TMEM154: variants seen among roughly 807,000 people sequenced by gnomAD.
TMEM154 encodes transmembrane protein 154.
In TMEM154, 27 loss-of-function variants were observed where a neutral mutation model predicts 24.5. The ratio of observed to expected loss-of-function variants is 1.10; its 90% CI spans 0.81 to 1.52. The LOEUF is 1.52. Ranked by LOEUF, TMEM154 falls within the 40% of genes most tolerant of loss-of-function variation. The probability of loss-of-function intolerance (pLI) is 0.00; values close to 1 mark genes in which losing one functional copy is unlikely to be tolerated. For synonymous variants in TMEM154, 67 were observed against 76.8 expected, an observed-to-expected ratio of 0.87 and a Z score of 0.67; for missense variants, 228 against 213.4, an observed-to-expected ratio of 1.07 and a Z score of -0.43.
At chr4:152,645,307 C>A (rs904329938) in intron 3 of TMEM154, among the ~76,000 whole-genome samples, 6 of 152,176 alleles carry the variant, frequency 3.9e-5, no homozygotes, top group Non-Finnish European at 5.9e-5. Context: ...CACTGGGGTT[C>A]AATTCATGTC....
chr4:152,647,135 C>G (rs1466809236), intron 3 of TMEM154: 5 of 1,478,676 alleles, frequency 3.4e-6, no homozygotes, highest in East Asian at 2.5e-5. Flanking sequence ...CTCCCATTGT[C>G]AAATTTAAAG....
Position 152,643,112 on chromosome 4 carries a change from AT to A in TMEM154, c.453del (p.Lys151AsnfsTer3). Reference sequence around the variant, plus strand: ...CCATTTCTATTCATGCTGTTCATCCATTTATCAAGCTCTTCCATTTCAATTT... The same window carrying A: ...CCATTTCTATTCATGCTGTTCATCCATTATCAAGCTCTTCCATTTCAATTT... ...VMEIEMEELD[K>X]WMNSMNRNAD... On this transcript the variant is annotated frameshift_variant, in exon 5 of 7. Transcript: ENST00000304385. LOFTEE classifies it high-confidence loss of function. 6.2e-7 allele frequency: 1 copy of A among 1,613,328 alleles called. No individual in the cohort carries two copies. The highest frequency in any genetic ancestry group is 8.5e-7 in the Non-Finnish European group (1 of 1,179,812).
chr4:152,628,565 TAAAAAAAAAAAAAAAAA>T lies in TMEM154; in HGVS notation c.537-21_537-5del, dbSNP rs747613909. On this transcript the variant is annotated splice_region_variant and splice_polypyrimidine_tract_variant and intron_variant, in intron 6 of 6. Transcript: ENST00000304385. ...TCAGGTTTAGGATTCACTGTCACTG[TAAAAAAAAAAAAAAAAA>T]AAAAAAAAAACAAAAAAAACACACA... 1 of 518,478 alleles carries T rather than the reference TAAAAAAAAAAAAAAAAA, an allele frequency of 1.9e-6. No individual in the cohort carries two copies. The highest frequency in any genetic ancestry group is 2.4e-6 in the Non-Finnish European group (1 of 415,834). 32.1% of individuals were successfully genotyped at this position (518,478 alleles called of 1,614,324 possible). A position where few individuals can be genotyped will look rare whatever the true frequency, so the allele number is the denominator to read the frequency against.
chr4:152,640,856 T>G, intron 6 of TMEM154, 72 bp downstream of exon 6: 2 of 1,338,358 alleles, frequency 1.5e-6, no homozygotes, highest in Non-Finnish European at 2.1e-6. Flanking sequence ...AAGCAAAAAG[T>G]GTTCCACCCT....
chr4:152,623,559 T>C lies in TMEM154; in HGVS notation c.*4987A>G, dbSNP rs1422734538. ...CTGCAGTGTAGTAGCTACATATCAT[T>C]CTTTAGTCCTTTACATGCAGACCAA... On this transcript the variant is annotated 3_prime_UTR_variant, in exon 7 of 7. Transcript: ENST00000304385. 6.6e-6 allele frequency: 1 copy of C among 152,200 alleles called. No homozygotes were observed. Among genetic ancestry groups the C allele is most frequent in the Non-Finnish European group, 1.5e-5 (1 of 68,046 alleles). 9.4% of individuals were successfully genotyped at this position (152,200 alleles called of 1,614,324 possible).
chr4:152,661,863 A>T (rs575596270), intron 1 of TMEM154, among the ~76,000 whole-genome samples: 2 of 152,206 alleles, frequency 1.3e-5, no homozygotes, highest in Non-Finnish European at 2.9e-5. Context: ...CTTGCCCAGA[A>T]GTAACCACCG....
intron 5 of TMEM154, chr4:152,641,265 G>A: frequency 5.6e-6 from 2 of 359,150 alleles, no homozygotes; most frequent in Non-Finnish European, 1.0e-5. Context: ...GCACCCCAGT[G>A]CTCCAAAAGC....
intron 1 of TMEM154, among the ~76,000 whole-genome samples, chr4:152,672,090 T>TAAAAAAAA (rs11290618): frequency 9.8e-6 from 1 of 101,958 alleles, no homozygotes; most frequent in Non-Finnish European, 2.1e-5. Context: ...CCTATCTCTA[T>TAAAAAAAA]AAAAAAAAAA....
rs1448379605 is a variant in TMEM154, at chr4:152,621,625, G to T, written c.*6921C>A. ...CTGTTGTTTGTCAATAATACTGACT[G>T]GTCTTTGTGAGCCGAAAGAATAAAT... On this transcript the variant is annotated 3_prime_UTR_variant, in exon 7 of 7. Transcript: ENST00000304385. 1 of 152,132 alleles carries T rather than the reference G, an allele frequency of 6.6e-6. No homozygotes were observed. Among genetic ancestry groups the T allele is most frequent in the Non-Finnish European group, 1.5e-5 (1 of 68,030 alleles). The allele number at this position is 152,132 out of a possible 1,614,324, so 9.4% of individuals were successfully genotyped here.
chr4:152,656,321 G>A (rs1728491854), intron 1 of TMEM154, among the ~76,000 whole-genome samples: 1 of 152,122 alleles, frequency 6.6e-6, no homozygotes, highest in African/African-American at 2.4e-5. Flanking sequence ...TAACACCAGT[G>A]CCAGTGTATA....
chr4:152,679,732 T>A, intron 1 of TMEM154, 138 bp downstream of exon 1: 1 of 1,293,602 alleles, frequency 7.7e-7, no homozygotes, highest in Non-Finnish European at 1.1e-6. Context: ...AAAAAGGAGT[T>A]CTAATTTTCT....
intron 1 of TMEM154, chr4:152,666,359 T>G (rs189529064): frequency 1.3e-5 from 2 of 152,358 alleles, no homozygotes; most frequent in Non-Finnish European, 1.5e-5. Flanking sequence ...TATGTTAGGT[T>G]GAGAATGACT....
At chr4:152,637,355 GA>G (rs1752169455) in intron 6 of TMEM154, among the ~76,000 whole-genome samples, 1 of 152,158 alleles carries the variant, frequency 6.6e-6, no homozygotes, top group South Asian at 2.1e-4. Context: ...AGGCCAGCCT[GA>G]CCAATGTGGT....
intron 5 of TMEM154, among the ~76,000 whole-genome samples, chr4:152,642,594 T>G (rs1458332623): frequency 6.6e-6 from 1 of 152,208 alleles, no homozygotes; most frequent in Non-Finnish European, 1.5e-5. Flanking sequence ...ACTGTCCACT[T>G]AGTAGCCATT....
chr4:152,649,431 G>A (rs902054253), intron 3 of TMEM154, among the ~76,000 whole-genome samples: 10 of 152,172 alleles, frequency 6.6e-5, no homozygotes, highest in Non-Finnish European at 4.4e-5. Flanking sequence ...CTCTGACTGA[G>A]GGAATTTTCT....
At position 152,628,153 on chromosome 4, in the gene TMEM154, A is replaced by G; in HGVS notation, c.*393T>C. 1 of 217,596 alleles carries G rather than the reference A, an allele frequency of 4.6e-6. No homozygotes were observed. Among genetic ancestry groups the G allele is most frequent in the Middle Eastern group, 1.8e-3 (1 of 552 alleles). 13.5% of individuals were successfully genotyped at this position (217,596 alleles called of 1,614,324 possible). ...ACTGACCCAAAAGGAAACCATCGATAAAACAGCTTCCTGATTTAGGCCCTA... is the reference window on the plus strand; with the variant it reads ...ACTGACCCAAAAGGAAACCATCGATGAAACAGCTTCCTGATTTAGGCCCTA... On this transcript the variant is annotated 3_prime_UTR_variant, in exon 7 of 7. Coordinates refer to ENST00000304385, the MANE Select transcript of TMEM154 (RefSeq NM_152680.3).
intron 1 of TMEM154, among the ~76,000 whole-genome samples, chr4:152,667,271 C>T (rs1044274512): frequency 1.6e-4 from 24 of 152,208 alleles, no homozygotes; most frequent in African/African-American, 4.3e-4. Flanking sequence ...TTCTGTCATA[C>T]ATACACGGTG....
At position 152,628,323 on chromosome 4, in the gene TMEM154, A is replaced by C; in HGVS notation, c.*223T>G. On this transcript the variant is annotated 3_prime_UTR_variant, in exon 7 of 7. Transcript: ENST00000304385. ...TCTCCACCCTCAGAGGCAGCGATGG[A>C]TGGCAGCCAGGCCTTTTCCTAGTAC... 3 of 717,768 alleles carry C rather than the reference A, an allele frequency of 4.2e-6. No homozygotes were observed. The highest frequency in any genetic ancestry group is 6.9e-6 in the Non-Finnish European group (3 of 432,020). 44.5% of individuals were successfully genotyped at this position (717,768 alleles called of 1,614,324 possible). A position where few individuals can be genotyped will look rare whatever the true frequency, so the allele number is the denominator to read the frequency against.
intron 1 of TMEM154, among the ~76,000 whole-genome samples, chr4:152,671,604 G>C (rs548030141): frequency 6.6e-6 from 1 of 150,666 alleles, no homozygotes; most frequent in South Asian, 2.1e-4. Context: ...AAAATTAGCC[G>C]GGCGTAGTGG....
Sources: gnomAD v4.1 joint callset for allele counts (sites outside exome capture counted in the v4.1 genomes callset) on GRCh38, gnomAD v4.1.1 for gene constraint, MANE v1.5 for transcripts, NCBI Gene and HGNC (gene_info 2026-07-23, HGNC 2026-07-21) for gene names.